CERS6: variants seen among roughly 807,000 people sequenced by gnomAD.
CERS6 encodes the protein LAG1 homolog, ceramide synthase 6.
CERS6 carries 26 observed loss-of-function variants against 56.8 expected under a neutral mutation model. The observed-to-expected ratio is 0.46, with a 90% CI of 0.34 to 0.63. The LOEUF (loss-of-function observed/expected upper bound fraction) is 0.63. Among genes scored for constraint, CERS6 ranks in the 30% least tolerant of loss-of-function variants. The pLI, the probability that CERS6 is intolerant of heterozygous loss-of-function variation, is 0.01. For missense variants in CERS6, 415 were observed against 467.5 expected, an observed-to-expected ratio of 0.89 and a Z score of 1.04; for synonymous variants, 164 against 173.3, an observed-to-expected ratio of 0.95 and a Z score of 0.42.
chr2:168,614,666 C>T (rs1684272477), intron 3 of CERS6, among the ~76,000 whole-genome samples: 1 of 152,154 alleles, frequency 6.6e-6, no homozygotes, highest in African/African-American at 2.4e-5. Context: ...GGGAACATAA[C>T]TCCATTGGCC....
intron 1 of CERS6, among the ~76,000 whole-genome samples, chr2:168,462,831 G>T (rs1325895097): frequency 6.6e-6 from 1 of 152,192 alleles, no homozygotes; most frequent in African/African-American, 2.4e-5. Context: ...ACTGCAGCTG[G>T]TCAGGGTGAT....
chr2:168,495,791 G>T (rs938981921), intron 1 of CERS6, among the ~76,000 whole-genome samples: 1 of 151,942 alleles, frequency 6.6e-6, no homozygotes. Context: ...TCTCCTTTCA[G>T]GGGGGGCATG....
chr2:168,529,532 G>A (rs1046302279), intron 1 of CERS6, among the ~76,000 whole-genome samples: 2 of 152,240 alleles, frequency 1.3e-5, no homozygotes, highest in African/African-American at 4.8e-5. Context: ...AGGCACCAAT[G>A]GATAATCCCT....
intron 9 of CERS6, 99 bp downstream of exon 9, chr2:168,765,847 G>T (rs1684718380): frequency 4.4e-6 from 5 of 1,125,088 alleles, no homozygotes; most frequent in South Asian, 1.7e-5. Context: ...ATCAAAATTG[G>T]TAGTATTTCT....
chr2:168,694,234 C>T (rs1456147277), intron 5 of CERS6, among the ~76,000 whole-genome samples: 1 of 152,070 alleles, frequency 6.6e-6, no homozygotes, highest in Admixed American at 6.6e-5. Context: ...TCCTGACTTC[C>T]ACTGCCTCTC....
intron 8 of CERS6, among the ~76,000 whole-genome samples, chr2:168,750,442 T>C (rs1255076646): frequency 1.3e-5 from 2 of 152,388 alleles, no homozygotes; most frequent in East Asian, 1.9e-4. Flanking sequence ...TTGATATCTT[T>C]GTTTCTAACA....
intron 1 of CERS6, among the ~76,000 whole-genome samples, chr2:168,522,807 C>T (rs1695005329): frequency 6.6e-6 from 1 of 152,134 alleles, no homozygotes. Flanking sequence ...CCTTGGCCTC[C>T]CAAAGTGCTG....
chr2:168,598,044 C>G (rs959791402), intron 3 of CERS6, among the ~76,000 whole-genome samples: 6 of 152,130 alleles, frequency 3.9e-5, no homozygotes, highest in African/African-American at 1.4e-4. Flanking sequence ...TTCTGTCCTC[C>G]CCTTAAGAGG....
intron 8 of CERS6, among the ~76,000 whole-genome samples, chr2:168,753,529 A>G (rs1456167307): frequency 6.6e-6 from 1 of 152,146 alleles, no homozygotes; most frequent in African/African-American, 2.4e-5. Flanking sequence ...GCATCTTACA[A>G]TTCAGTTTCC....
chr2:168,605,399 C>T (rs999822407), intron 3 of CERS6, among the ~76,000 whole-genome samples: 7 of 152,070 alleles, frequency 4.6e-5, no homozygotes, highest in African/African-American at 7.2e-5. Context: ...TTGGAACTTA[C>T]GTAATATTTA....
In CERS6 at chr2:168,717,936, C is replaced by T. The variant is rs1225015319; in HGVS notation, c.803C>T (p.Ala268Val). The change falls in exon 8 of 10, where the codon GCC becomes GTC. Residue 268 changes from alanine (A) to valine (V), a missense_variant. Coordinates refer to ENST00000305747, the MANE Select transcript of CERS6 (RefSeq NM_203463.3). Reference sequence around the variant, plus strand: ...TGTGATCTCCTGTTTGTTATGTTTGCCGTGGTTTTTATCACCACACGACTG... The same window carrying T: ...TGTGATCTCCTGTTTGTTATGTTTGTCGTGGTTTTTATCACCACACGACTG... Reference protein sequence around the residue: ...KMCDLLFVMFAVVFITTRLGI... With the variant: ...KMCDLLFVMFVVVFITTRLGI... The T allele has an allele frequency of 1.9e-6, 3 of 1,613,658 alleles. No homozygotes were observed. The East Asian group carries it at 6.7e-5, about 36-fold the overall frequency.
At chr2:168,664,926 T>C (rs1319830647) in intron 4 of CERS6, among the ~76,000 whole-genome samples, 1 of 152,200 alleles carries the variant, frequency 6.6e-6, no homozygotes, top group African/African-American at 2.4e-5. Context: ...TTCACACGCC[T>C]CTGACAGGAA....
chr2:168,549,274 C>T (rs1366366165), intron 2 of CERS6, among the ~76,000 whole-genome samples: 1 of 151,938 alleles, frequency 6.6e-6, no homozygotes, highest in East Asian at 1.9e-4. Flanking sequence ...ATGTTTTTTA[C>T]AGTTACTGGA....
At chr2:168,511,689 A>G (rs544721080) in intron 1 of CERS6, among the ~76,000 whole-genome samples, 2 of 152,228 alleles carry the variant, frequency 1.3e-5, no homozygotes, top group South Asian at 2.1e-4. Flanking sequence ...GTTTGTTGGA[A>G]CTTCTCAATT....
At chr2:168,633,437 T>C (rs10189241) in intron 4 of CERS6, among the ~76,000 whole-genome samples, 45,124 of 151,910 alleles carry the variant, frequency 0.3, 7,637 homozygotes, top group African/African-American at 0.46. Flanking sequence ...AGAGGGTAGG[T>C]GGCATTCAGA....
chr2:168,750,283 C>T (rs1027641876), intron 8 of CERS6, among the ~76,000 whole-genome samples: 2 of 151,986 alleles, frequency 1.3e-5, no homozygotes, highest in South Asian at 4.2e-4. Context: ...ATGTGGCTTC[C>T]TCAAATTTTA....
intron 8 of CERS6, among the ~76,000 whole-genome samples, chr2:168,722,591 G>A (rs1683215228): frequency 6.6e-6 from 1 of 152,142 alleles, no homozygotes; most frequent in Admixed American, 6.5e-5. Context: ...GCAAACTTGT[G>A]TTTGTCACAT....
At chr2:168,682,687 G>C (rs1686250333) in intron 4 of CERS6, among the ~76,000 whole-genome samples, 1 of 152,070 alleles carries the variant, frequency 6.6e-6, no homozygotes, top group Non-Finnish European at 1.5e-5. Context: ...CACAATGGGG[G>C]GTGGGAGTTG....
chr2:168,630,310 A>G lies in CERS6; in HGVS notation c.408-675A>G, dbSNP rs548486782. 3.8e-3 allele frequency among the ~76,000 whole-genome samples: 531 copies of G among 139,112 alleles called. 4 individuals are homozygous for G. Among genetic ancestry groups the G allele is most frequent in the African/African-American group, 0.014 (515 of 35,902 alleles). 91.3% of individuals were successfully genotyped at this position (139,112 alleles called of 152,430 possible). A position where few individuals can be genotyped will look rare whatever the true frequency, so the allele number is the denominator to read the frequency against. On this transcript the variant is annotated intron_variant, in intron 3 of 9. Coordinates refer to ENST00000305747, the MANE Select transcript of CERS6 (RefSeq NM_203463.3). ...TTTTTTGTAATAAGTATACACACAC[A>G]CACACACACACACACACGCACACAT...
Sources: allele counts gnomAD v4.1 joint callset (sites outside exome capture counted in the v4.1 genomes callset), GRCh38; gene constraint gnomAD v4.1.1; transcripts MANE v1.5; gene names NCBI Gene and HGNC (gene_info 2026-07-23, HGNC 2026-07-21).